Variants in TRIP12 observed in about 807,000 individuals in gnomAD.
The protein encoded by TRIP12 is thyroid hormone receptor interactor 12.
In TRIP12, 25 loss-of-function variants were observed where a neutral mutation model predicts 244.2. The observed-to-expected ratio is 0.10, with a 90% confidence interval of 0.07 to 0.14. The LOEUF (loss-of-function observed/expected upper bound fraction) is 0.14. Ranked by LOEUF, TRIP12 falls within the 10% of genes least tolerant of loss-of-function variation. The pLI is 1.00. For synonymous variants in TRIP12, 905 were observed against 873.1 expected (o/e 1.04, Z -0.64); for missense variants, 1,677 against 2,486.4 (o/e 0.67, Z 6.92).
At chr2:229,880,232 C>A (rs2064543988) in intron 1 of TRIP12, 104 bp from the exon 2 acceptor site, 5 of 696,460 alleles carry the variant, frequency 7.2e-6, no homozygotes, top group Non-Finnish European at 1.2e-5. Context: ...TGCAAACTAT[C>A]TGATTTTACA....
intron 33 of TRIP12, among the ~76,000 whole-genome samples, chr2:229,786,491 T>C (rs2154254271): frequency 6.7e-6 from 1 of 148,390 alleles, no homozygotes; most frequent in African/African-American, 2.5e-5. Flanking sequence ...TCCAACTCCC[T>C]GGTTTAAGTG....
chr2:229,849,437 G>A (rs751135068), intron 4 of TRIP12, among the ~76,000 whole-genome samples: 1 of 151,930 alleles, frequency 6.6e-6, no homozygotes, highest in Non-Finnish European at 1.5e-5. Flanking sequence ...AACACAACAG[G>A]GATCAAACAC....
intron 2 of TRIP12, among the ~76,000 whole-genome samples, chr2:229,871,778 A>C (rs918237453): frequency 6.6e-6 from 1 of 152,178 alleles, no homozygotes; most frequent in Non-Finnish European, 1.5e-5. Flanking sequence ...AAAATCAATA[A>C]TCCTAGTATA....
intron 26 of TRIP12, 155 bp downstream of exon 26, chr2:229,795,024 T>G: frequency 2.6e-6 from 2 of 761,098 alleles, no homozygotes; most frequent in East Asian, 2.8e-5. Context: ...AAGAAAGCAT[T>G]TGATTCATTC....
chr2:229,834,995 A>C (rs2054430698), intron 6 of TRIP12, among the ~76,000 whole-genome samples: 1 of 152,368 alleles, frequency 6.6e-6, no homozygotes, highest in South Asian at 2.1e-4. Flanking sequence ...CTCTAAGTCC[A>C]CAAACCTATA....
chr2:229,902,904 T>G (rs2071406235), intron 1 of TRIP12, among the ~76,000 whole-genome samples: 1 of 152,106 alleles, frequency 6.6e-6, no homozygotes, highest in Non-Finnish European at 1.5e-5. Context: ...TGACACACAG[T>G]AGGTCATTCA....
intron 6 of TRIP12, chr2:229,831,167 T>C (rs1019447289): frequency 1.4e-6 from 1 of 712,316 alleles, no homozygotes; most frequent in African/African-American, 1.8e-5. Context: ...ATAAAGAACA[T>C]ACTGCTGTAA....
In TRIP12 at chr2:229,822,885, A is replaced by G. The variant is rs147000492; in HGVS notation, c.1451-4373T>C. Among the ~76,000 whole-genome samples the G allele has an allele frequency of 5.3e-5, 8 of 152,344 alleles. No homozygotes were observed. The East Asian group carries it at 1.5e-3, about 29-fold the overall frequency. On this transcript the variant is annotated intron_variant, in intron 8 of 41. Coordinates refer to ENST00000675903, the MANE Select transcript of TRIP12 (RefSeq NM_001348323.3). The stretch of plus-strand genomic sequence containing the variant: ...ATTGGCATCTATAAAGAGAATCAAA[A>G]AACTATTCAGAACTGAAAAACGTAT...
intron 8 of TRIP12, among the ~76,000 whole-genome samples, chr2:229,828,850 A>G (rs1380916843): frequency 1.3e-5 from 2 of 152,202 alleles, no homozygotes; most frequent in African/African-American, 2.4e-5. Flanking sequence ...AAATTCAGCT[A>G]GCAAACTGTT....
At position 229,800,103 on chromosome 2, in the gene TRIP12, C is replaced by A. The variant is rs143437275; in HGVS notation, c.3207-720G>T. On this transcript the variant is annotated intron_variant, in intron 21 of 41. Coordinates refer to ENST00000675903, the MANE Select transcript of TRIP12 (RefSeq NM_001348323.3). ...ACACTTTTTCCATAACCAAAATGGCCGTGAGTAAAATATACATGACCCTTA... is the reference window on the plus strand; with the variant it reads ...ACACTTTTTCCATAACCAAAATGGCAGTGAGTAAAATATACATGACCCTTA... Among the ~76,000 whole-genome samples, 20 of 152,228 alleles carry A rather than the reference C, an allele frequency of 1.3e-4. No homozygotes were observed. The East Asian group carries it at 3.9e-3, about 29-fold the overall frequency.
chr2:229,922,661 T>C (rs754042543), upstream of TRIP12: 7 of 1,588,882 alleles, frequency 4.4e-6, no homozygotes, highest in South Asian at 2.2e-5. Context: ...CCTGGCCCGG[T>C]TGGGGCCCGG....
At chr2:229,834,150 C>G (rs1172536970) in intron 6 of TRIP12, among the ~76,000 whole-genome samples, 1 of 152,220 alleles carries the variant, frequency 6.6e-6, no homozygotes, top group Non-Finnish European at 1.5e-5. Flanking sequence ...CTGTGTAAGA[C>G]AGTTTCCAAT....
At chr2:229,835,668 T>A (rs2054615566) in intron 6 of TRIP12, among the ~76,000 whole-genome samples, 1 of 152,224 alleles carries the variant, frequency 6.6e-6, no homozygotes, top group South Asian at 2.1e-4. Context: ...TGGACTGCAA[T>A]GTAGTGTACA....
intron 4 of TRIP12, among the ~76,000 whole-genome samples, chr2:229,845,094 T>C (rs1032320792): frequency 6.6e-6 from 1 of 152,186 alleles, no homozygotes; most frequent in African/African-American, 2.4e-5. Flanking sequence ...GATATATAAA[T>C]GAGTAGATAT....
chr2:229,777,551 C>G, intron 36 of TRIP12, 72 bp from the exon 37 acceptor site: 1 of 1,477,202 alleles, frequency 6.8e-7, no homozygotes, highest in Non-Finnish European at 9.4e-7. Context: ...TAAGGCACTT[C>G]AGGAGATCAT....
intron 1 of TRIP12, among the ~76,000 whole-genome samples, chr2:229,885,294 T>A (rs1477994161): frequency 6.6e-6 from 1 of 152,230 alleles, no homozygotes; most frequent in Admixed American, 6.5e-5. Context: ...TAGCTTCAGA[T>A]CATTAACTTG....
intron 4 of TRIP12, among the ~76,000 whole-genome samples, chr2:229,849,137 G>C (rs1437644320): frequency 6.6e-6 from 1 of 152,222 alleles, no homozygotes; most frequent in Admixed American, 6.5e-5. Flanking sequence ...CAGACAGCTT[G>C]AGAAAAGATT....
intron 34 of TRIP12, among the ~76,000 whole-genome samples, chr2:229,779,225 C>T (rs960074266): frequency 6.6e-6 from 1 of 152,204 alleles, no homozygotes; most frequent in Non-Finnish European, 1.5e-5. Context: ...TGAACAATTT[C>T]AGGTTGTACT....
chr2:229,818,597 T>C, intron 8 of TRIP12, 85 bp from the exon 9 acceptor site: 1 of 1,309,026 alleles, frequency 7.6e-7, no homozygotes. Flanking sequence ...TGTAATTGGT[T>C]GCTTATCTTC....
Sources: gnomAD v4.1 joint callset for allele counts (sites outside exome capture counted in the v4.1 genomes callset) on GRCh38, gnomAD v4.1.1 for gene constraint, MANE v1.5 for transcripts, NCBI Gene and HGNC (gene_info 2026-07-23, HGNC 2026-07-21) for gene names.